The following CCNJ variants were observed in gnomAD, a reference collection of about 807,000 sequenced individuals.
CCNJ encodes cyclin-J.
CCNJ carries 12 observed loss-of-function variants against 41.4 expected under a neutral mutation model. The observed-to-expected ratio is 0.29, with a 90% CI of 0.19 to 0.47. CCNJ has a LOEUF of 0.47. CCNJ is among the 20% of genes least tolerant of loss of function. CCNJ has a pLI of 1.00. For missense variants in CCNJ, 340 were observed against 464.6 expected, an observed-to-expected ratio of 0.73 and a Z score of 2.47; for synonymous variants, 161 against 173.4, an observed-to-expected ratio of 0.93 and a Z score of 0.56.
In CCNJ at chr10:96,044,384, G is replaced by C. The variant is rs2080302258; in HGVS notation, c.-10G>C. 3.3e-6 allele frequency: 5 copies of C among 1,519,424 alleles called. No individual in the cohort carries two copies. The highest frequency in any genetic ancestry group is 4.4e-6 in the Non-Finnish European group (5 of 1,126,438). 94.1% of individuals were successfully genotyped at this position (1,519,424 alleles called of 1,614,324 possible). A position where few individuals can be genotyped will look rare whatever the true frequency, so the allele number is the denominator to read the frequency against. ...GTTGCCGCGTCGGGCTGGGCGCGCC[G>C]CCGGGTCCCATGGAGCTGGAGGGGC... On this transcript the variant is annotated 5_prime_UTR_variant, in exon 2 of 6. Coordinates refer to ENST00000465148, the MANE Select transcript of CCNJ (RefSeq NM_001134375.2).
Position 96,057,242 on chromosome 10 carries a change from G to A in CCNJ, c.735G>A (p.Leu245=), listed in dbSNP as rs200803306. The change falls in exon 5 of 6, where the codon CTG becomes CTA. Residue 245 remains leucine, a synonymous_variant. Coordinates refer to ENST00000465148, the MANE Select transcript of CCNJ (RefSeq NM_001134375.2). ...TCTTAGTGCAGTGTATTGAACGACT[G>A]TTGATGTAAGCCTTTTTATTCTTGT... ...WDFLVQCIER[L]LIAHDNDVKE... 2.5e-6 allele frequency: 4 copies of A among 1,613,264 alleles called. No individual in the cohort carries two copies. The highest frequency in any genetic ancestry group is 3.4e-6 in the Non-Finnish European group (4 of 1,179,334).
chr10:96,052,193 G>GT (rs2080546557), intron 3 of CCNJ, among the ~76,000 whole-genome samples: 1 of 152,150 alleles, frequency 6.6e-6, no homozygotes, highest in Non-Finnish European at 1.5e-5. Flanking sequence ...AATCATGTGT[G>GT]TAATACTGTA....
intron 3 of CCNJ, among the ~76,000 whole-genome samples, chr10:96,056,069 G>A (rs2080678384): frequency 6.6e-6 from 1 of 152,180 alleles, no homozygotes; most frequent in Non-Finnish European, 1.5e-5. Flanking sequence ...CAACACTTTG[G>A]GAGGCCGAGG....
At position 96,050,294 on chromosome 10, in the gene CCNJ, G is replaced by T. The variant is rs370440190; in HGVS notation, c.108G>T (p.Gln36His). 73 of 1,613,986 alleles carry T rather than the reference G, an allele frequency of 4.5e-5. No individual in the cohort carries two copies. Among genetic ancestry groups the T allele is most frequent in the African/African-American group, 6.7e-5 (5 of 74,910 alleles). The part of the protein sequence containing the change: ...KLPSYKGQSP[Q>H]LSLRRYFADL... ...CCTCCTATAAAGGCCAGTCCCCTCA[G>T]TTAAGTCTCAGACGGTATTTTGCTG... is the stretch of plus-strand genomic sequence containing the variant. Residue 36 changes from glutamine (Q) to histidine (H), a missense_variant, in exon 3 of 6, where the codon CAG (glutamine) becomes CAT (histidine). By Grantham distance (24) the Gln-to-His change is conservative. Coordinates refer to ENST00000465148, the MANE Select transcript of CCNJ (RefSeq NM_001134375.2).
intron 2 of CCNJ, 46 bp downstream of exon 2, chr10:96,044,508 A>G (rs1554858167): frequency 7.2e-7 from 1 of 1,387,772 alleles, no homozygotes; most frequent in Non-Finnish European, 9.6e-7. Flanking sequence ...GTGTCGCGCC[A>G]GTTGTTCTGA....
At chr10:96,050,584 A>G in intron 3 of CCNJ, 118 bp downstream of exon 3, 2 of 738,096 alleles carry the variant, frequency 2.7e-6, no homozygotes, top group South Asian at 3.8e-5. Context: ...CACTAGTATC[A>G]AGAAGCTTAT....
Position 96,056,783 on chromosome 10 carries a change from A to G in CCNJ, c.363A>G (p.Val121=). 1 of 1,613,892 alleles carries G rather than the reference A, an allele frequency of 6.2e-7. No individual in the cohort carries two copies. Among genetic ancestry groups the G allele is most frequent in the Non-Finnish European group, 8.5e-7 (1 of 1,179,736 alleles). ...SLGCMTNMNL[V]LTKQNLLHME... ...GTTGTATGACTAATATGAATCTAGT[A>G]TTAACAAAACAAAATTTGCTACATA... The change falls in exon 4 of 6, where the codon GTA becomes GTG. Residue 121 remains valine, a synonymous_variant. Coordinates refer to ENST00000465148, the MANE Select transcript of CCNJ (RefSeq NM_001134375.2).
At position 96,058,220 on chromosome 10, in the gene CCNJ, T is replaced by TGGAG. The variant is rs1375024010; in HGVS notation, c.1131_1132insGGAG (p.Thr378GlyfsTer6). On this transcript the variant is annotated frameshift_variant, in exon 6 of 6. Transcript: ENST00000465148. LOFTEE classifies it high-confidence loss of function. ...AGATAAATGAACATTACCCTTGTAT[T>TGGAG]ACTCCATGTTTTGAAAGGTGATTAT... is the stretch of plus-strand genomic sequence containing the variant. 6.2e-7 allele frequency: 1 copy of TGGAG among 1,612,570 alleles called. No homozygotes were observed. Among genetic ancestry groups the TGGAG allele is most frequent in the Non-Finnish European group, 8.5e-7 (1 of 1,178,660 alleles).
At chr10:96,056,592 T>A (rs956736163) in intron 3 of CCNJ, 109 bp from the exon 4 acceptor site, 1 of 781,634 alleles carries the variant, frequency 1.3e-6, no homozygotes, top group Non-Finnish European at 2.1e-6. Context: ...AAGTACGTCT[T>A]TGGATCTAAA....
chr10:96,058,021 G>A lies in CCNJ; in HGVS notation c.932G>A (p.Cys311Tyr). The change falls in exon 6 of 6, where the codon TGT becomes TAT. Residue 311 changes from cysteine to tyrosine, a missense_variant. Around this residue, in one of 3 missense-constraint regions of CCNJ, gnomAD observed 159 missense variants for 168.2 expected, o/e 0.95. Coordinates refer to ENST00000465148, the MANE Select transcript of CCNJ (RefSeq NM_001134375.2). ...CATCCTACGTCAGAACAACCAAGCTGTCAGCAGATTGTATCGACCACACAC... is the reference window on the plus strand; with the variant it reads ...CATCCTACGTCAGAACAACCAAGCTATCAGCAGATTGTATCGACCACACAC... ...YRHPTSEQPS[C>Y]QQIVSTTHTS... The A allele has an allele frequency of 6.2e-7, 1 of 1,614,104 alleles. No individual in the cohort carries two copies. The highest frequency in any genetic ancestry group is 8.5e-7 in the Non-Finnish European group (1 of 1,180,004).
At chr10:96,043,874 G>C (rs933607191) in intron 1 of CCNJ, among the ~76,000 whole-genome samples, 155 bp downstream of exon 1, 1 of 152,200 alleles carries the variant, frequency 6.6e-6, no homozygotes, top group African/African-American at 2.4e-5. Flanking sequence ...GGGCTCCCGG[G>C]GAGGAGCAGG....
intron 3 of CCNJ, among the ~76,000 whole-genome samples, chr10:96,053,285 A>C (rs1481860206): frequency 6.6e-6 from 1 of 151,904 alleles, no homozygotes; most frequent in Non-Finnish European, 1.5e-5. Context: ...GAATTTCAAC[A>C]ACCCCTGAAT....
chr10:96,058,184 C>A lies in CCNJ; in HGVS notation c.1095C>A (p.Asn365Lys). ...EVKPCLSVSY[N>K]RSYQINEHYP... ...AGCCCTGTCTGAGTGTTTCTTACAA[C>A]CGGAGTTATCAGATAAATGAACATT... The change falls in exon 6 of 6, where the codon AAC becomes AAA. Residue 365 changes from asparagine (N) to lysine (K), a missense_variant. This residue lies in a region of CCNJ where 159 missense variants were observed against 168.2 expected (regional missense o/e 0.95). Transcript: ENST00000465148. The A allele has an allele frequency of 8.1e-6, 13 of 1,614,072 alleles. No homozygotes were observed. The highest frequency in any genetic ancestry group is 1.0e-5 in the Non-Finnish European group (12 of 1,179,944).
At chr10:96,050,850 A>G (rs2080500983) in intron 3 of CCNJ, among the ~76,000 whole-genome samples, 1 of 152,226 alleles carries the variant, frequency 6.6e-6, no homozygotes, top group African/African-American at 2.4e-5. Flanking sequence ...CCCACAGGGA[A>G]CACTTGGCAA....
At chr10:96,054,316 A>G (rs1056095211) in intron 3 of CCNJ, among the ~76,000 whole-genome samples, 17 of 152,228 alleles carry the variant, frequency 1.1e-4, no homozygotes, top group African/African-American at 3.6e-4. Flanking sequence ...AAATGAACAT[A>G]GGCATAGCAG....
intron 2 of CCNJ, among the ~76,000 whole-genome samples, chr10:96,046,194 C>CA (rs1464917515): frequency 4.7e-4 from 72 of 152,302 alleles, no homozygotes; most frequent in African/African-American, 1.7e-3. Flanking sequence ...TATGAACTAT[C>CA]AGAGGACAAG....
chr10:96,049,642 ATTT>A (rs2080468358), intron 2 of CCNJ, among the ~76,000 whole-genome samples: 1 of 151,944 alleles, frequency 6.6e-6, no homozygotes, highest in Admixed American at 6.6e-5. Context: ...CTCTGGAAAT[ATTT>A]TAATAGTATA....
rs2080596971 is a variant in CCNJ at position 96,053,708 on chromosome 10, A to G, written c.281-2993A>G. 3.3e-5 allele frequency among the ~76,000 whole-genome samples: 5 copies of G among 152,332 alleles called. No individual in the cohort carries two copies. In the South Asian group the frequency reaches 1.0e-3, roughly 32 times the overall value. ...GAAAAGTGAGACAGAGGCTTTTAGT[A>G]GTAACAATTTGTAACAAGTGCTTGT... On this transcript the variant is annotated intron_variant, in intron 3 of 5. Coordinates refer to ENST00000465148, the MANE Select transcript of CCNJ (RefSeq NM_001134375.2).
At chr10:96,056,582 AAG>A in intron 3 of CCNJ, 117 bp from the exon 4 acceptor site, 1 of 704,768 alleles carries the variant, frequency 1.4e-6, no homozygotes, top group South Asian at 1.9e-5. Flanking sequence ...TGTGTAAGGT[AAG>A]TACGTCTTTG....
Sources: allele counts gnomAD v4.1 joint callset (sites outside exome capture counted in the v4.1 genomes callset), GRCh38; gene constraint gnomAD v4.1.1; regional missense constraint gnomAD v4.1.1; transcripts MANE v1.5; gene names NCBI Gene and HGNC (gene_info 2026-07-23, HGNC 2026-07-21).